The following KCNQ1OT1 variants were observed in gnomAD, a reference collection of about 807,000 sequenced individuals.
KCNQ1OT1 encodes KCNQ1 opposite strand/antisense transcript 1, also known as KCNQ1 antisense RNA 2 (non-protein coding).
At chr11:2,609,039 AAT>A in exon 1 of KCNQ1OT1, 1 of 397,846 alleles carries the variant, frequency 2.5e-6, no homozygotes, top group Non-Finnish European at 4.4e-6. Context: ...TTTCTACTCT[AAT>A]ATTTATTATT....
At chr11:2,638,044 C>G (rs1849505567) in exon 1 of KCNQ1OT1, 1 of 152,154 alleles carries the variant, frequency 6.6e-6, no homozygotes, top group African/African-American at 2.4e-5. Flanking sequence ...GATCTTCCTC[C>G]ATCCCTTTAT....
exon 1 of KCNQ1OT1, chr11:2,632,963 T>C (rs1175758777): frequency 2.5e-6 from 1 of 398,518 alleles, no homozygotes; most frequent in Non-Finnish European, 4.4e-6. Context: ...TGTATGATAG[T>C]CTACTTTTAG....
Position 2,612,776 on chromosome 11 carries a change from G to A in KCNQ1OT1, n.87219C>T, listed in dbSNP as rs1024016075. ...TATTGCTCATTATTCTTGTTCAAGG[G>A]TCACAATTTTCTGTTTCTTTGCATA... is the stretch of plus-strand genomic sequence containing the variant. On this transcript the variant is annotated non_coding_transcript_exon_variant, in exon 1 of 1. Coordinates refer to ENST00000597346, the Ensembl canonical transcript of KCNQ1OT1. This position sits in a 1 kb window ranked among gnomAD's most constrained non-coding sequence, Gnocchi z 5.5. 2.5e-6 allele frequency: 1 copy of A among 398,360 alleles called. No homozygotes were observed. Among genetic ancestry groups the A allele is most frequent in the Non-Finnish European group, 4.4e-6 (1 of 226,022 alleles). The allele number at this position is 398,360 out of a possible 1,614,324, so 24.7% of individuals were successfully genotyped here. A position where few individuals can be genotyped will look rare whatever the true frequency, so the allele number is the denominator to read the frequency against.
exon 1 of KCNQ1OT1, chr11:2,681,160 C>G (rs1036194287): frequency 1.4e-4 from 55 of 398,602 alleles, no homozygotes; most frequent in African/African-American, 1.1e-3. Context: ...AATTCTACTT[C>G]TGAATGCTAA....
chr11:2,618,551 T>G lies in KCNQ1OT1; in HGVS notation n.81444A>C, dbSNP rs1849108940. On this transcript the variant is annotated non_coding_transcript_exon_variant, in exon 1 of 1. Coordinates refer to ENST00000597346, the Ensembl canonical transcript of KCNQ1OT1. The stretch of plus-strand genomic sequence containing the variant: ...TTCTGGGCTCTCTATTCTGTTCCAC[T>G]GGTCTACATGTTTGTTTTTTATGCC... 2.5e-5 allele frequency: 10 copies of G among 398,620 alleles called. No individual in the cohort carries two copies. In the East Asian group the frequency reaches 3.6e-4, roughly 14 times the overall value. 24.7% of individuals were successfully genotyped at this position (398,620 alleles called of 1,614,324 possible).
chr11:2,640,104 T>C (rs1316827103), exon 1 of KCNQ1OT1: 2 of 280,836 alleles, frequency 7.1e-6, no homozygotes, highest in Middle Eastern at 9.7e-4. Context: ...GTGCCGTCTG[T>C]CACCCCTTCC....
At chr11:2,650,332 A>G in exon 1 of KCNQ1OT1, 1 of 398,324 alleles carries the variant, frequency 2.5e-6, no homozygotes, top group East Asian at 3.6e-5. Context: ...TTTTCCCCCC[A>G]AGTTTTTTGT....
At chr11:2,667,710 G>A (rs1477660610) in exon 1 of KCNQ1OT1, 3 of 398,664 alleles carry the variant, frequency 7.5e-6, no homozygotes, top group Non-Finnish European at 1.3e-5. Context: ...CAGGAAGTCT[G>A]GAAGCCGTGT....
Position 2,627,219 on chromosome 11 carries a change from C to T in KCNQ1OT1, n.72776G>A. The T allele has an allele frequency of 2.5e-6, 1 of 398,434 alleles. No homozygotes were observed. The highest frequency in any genetic ancestry group is 4.4e-5 in the Admixed American group (1 of 22,714). 24.7% of individuals were successfully genotyped at this position (398,434 alleles called of 1,614,324 possible). ...AGGTATAATTGACAAATTAAAAGTGCATATATTTAAGAACATATTTGACCT... is the reference window on the plus strand; with the variant it reads ...AGGTATAATTGACAAATTAAAAGTGTATATATTTAAGAACATATTTGACCT... On this transcript the variant is annotated non_coding_transcript_exon_variant, in exon 1 of 1. Coordinates refer to ENST00000597346, the Ensembl canonical transcript of KCNQ1OT1. This position sits in a 1 kb window ranked among gnomAD's most constrained non-coding sequence, Gnocchi z 4.9.
Position 2,674,562 on chromosome 11 carries a change from G to A in KCNQ1OT1, n.25433C>T, listed in dbSNP as rs1035430670. ...ATTTAGACAAATACCTCGAGTGAGT[G>A]AATCTGAAGCATGCTAGTTGTGTTG... On this transcript the variant is annotated non_coding_transcript_exon_variant, in exon 1 of 1. Transcript: ENST00000597346. This position sits in a 1 kb window ranked among gnomAD's most constrained non-coding sequence, Gnocchi z 5.9. 5.0e-6 allele frequency: 2 copies of A among 398,642 alleles called. No homozygotes were observed. The highest frequency in any genetic ancestry group is 7.1e-5 in the East Asian group (2 of 28,068). The allele number at this position is 398,642 out of a possible 1,614,324, so 24.7% of individuals were successfully genotyped here.
In KCNQ1OT1 at chr11:2,681,215, A is replaced by C. The variant is rs193054095; in HGVS notation, n.18780T>G. On this transcript the variant is annotated non_coding_transcript_exon_variant, in exon 1 of 1. Transcript: ENST00000597346. ...TTTTTGCAGTGTTTGTGTTCTATGAAGAGTGGGTAGAAGGAAGCAGGAGAG... is the reference window on the plus strand; with the variant it reads ...TTTTTGCAGTGTTTGTGTTCTATGACGAGTGGGTAGAAGGAAGCAGGAGAG... The C allele has an allele frequency of 3.8e-4, 151 of 398,626 alleles. 1 individual carries two copies. Among genetic ancestry groups the C allele is most frequent in the African/African-American group, 2.7e-3 (134 of 48,746 alleles). The allele number at this position is 398,626 out of a possible 1,614,324, so 24.7% of individuals were successfully genotyped here.
At chr11:2,689,592 T>A (rs231352) in exon 1 of KCNQ1OT1, 1 of 398,460 alleles carries the variant, frequency 2.5e-6, no homozygotes, top group South Asian at 1.3e-4. Flanking sequence ...TGGTGTCTTC[T>A]AGATTCTCAA....
At chr11:2,696,758 ATAAAAGTCGTCGTCTT>A in exon 1 of KCNQ1OT1, 1 of 398,620 alleles carries the variant, frequency 2.5e-6, no homozygotes, top group Non-Finnish European at 4.4e-6. Context: ...AATTTTTTCC[ATAAAAGTCGTCGTCTT>A]TGTTAATTCC....
rs557313464 is a variant in KCNQ1OT1, at chr11:2,669,862, T to G, written n.30133A>C. The G allele has an allele frequency of 2.5e-6, 1 of 398,558 alleles. No homozygotes were observed. The highest frequency in any genetic ancestry group is 2.1e-5 in the African/African-American group (1 of 48,706). The allele number at this position is 398,558 out of a possible 1,614,324, so 24.7% of individuals were successfully genotyped here. Reference sequence around the variant, plus strand: ...ATGGGATACAAATGGGGTCACAACATATGGCTGTCAGCTGCTGTCCTTAAT... The same window carrying G: ...ATGGGATACAAATGGGGTCACAACAGATGGCTGTCAGCTGCTGTCCTTAAT... On this transcript the variant is annotated non_coding_transcript_exon_variant, in exon 1 of 1. Coordinates refer to ENST00000597346, the Ensembl canonical transcript of KCNQ1OT1. The surrounding 1 kb of genome is among the most constrained non-coding windows in gnomAD (Gnocchi z 5.6).
exon 1 of KCNQ1OT1, chr11:2,656,347 A>G: frequency 2.5e-6 from 1 of 398,606 alleles, no homozygotes; most frequent in African/African-American, 2.1e-5. Context: ...AAATCTGCAC[A>G]TTCTTCAAGC....
At chr11:2,689,350 T>C (rs1200190651) in exon 1 of KCNQ1OT1, 4 of 398,520 alleles carry the variant, frequency 1.0e-5, no homozygotes, top group Non-Finnish European at 1.8e-5. Context: ...TTGAGGCCTT[T>C]AGGTCAGCCT....
exon 1 of KCNQ1OT1, chr11:2,650,447 G>A (rs929228501): frequency 5.0e-6 from 2 of 398,458 alleles, no homozygotes; most frequent in Non-Finnish European, 8.8e-6. Flanking sequence ...GTATCATTTG[G>A]GTAGGGTGCT....
chr11:2,621,377 C>T lies in KCNQ1OT1; in HGVS notation n.78618G>A, dbSNP rs11522611. 0.081 allele frequency: 32,455 copies of T among 398,496 alleles called. 1,570 individuals carry two copies. Among genetic ancestry groups the T allele is most frequent in the Non-Finnish European group, 0.11 (24,130 of 226,042 alleles). The allele number at this position is 398,496 out of a possible 1,614,324, so 24.7% of individuals were successfully genotyped here. The stretch of plus-strand genomic sequence containing the variant: ...AGAAATGTATGTTCCTGTCCTTTGC[C>T]AATTCAATTGGATTATTCGTTTTTT... On this transcript the variant is annotated non_coding_transcript_exon_variant, in exon 1 of 1. Coordinates refer to ENST00000597346, the Ensembl canonical transcript of KCNQ1OT1. The surrounding 1 kb of genome is among the most constrained non-coding windows in gnomAD (Gnocchi z 5.7).
chr11:2,679,158 C>T lies in KCNQ1OT1; in HGVS notation n.20837G>A, dbSNP rs1454676291. 2.8e-5 allele frequency: 11 copies of T among 398,496 alleles called. No homozygotes were observed. Among genetic ancestry groups the T allele is most frequent in the Admixed American group, 4.4e-5 (1 of 22,708 alleles). 24.7% of individuals were successfully genotyped at this position (398,496 alleles called of 1,614,324 possible). On this transcript the variant is annotated non_coding_transcript_exon_variant, in exon 1 of 1. Transcript: ENST00000597346. The surrounding 1 kb of genome is among the most constrained non-coding windows in gnomAD (Gnocchi z 4.8). ...TTTCATGGCATGAGTTGGGCAGCAG[C>T]GACTCAGTTTCCATGTCTGAGTTAG... is the stretch of plus-strand genomic sequence containing the variant.
Sources: gnomAD v4.1 joint callset for allele counts on GRCh38, gnomAD v4.1.1 for gene constraint, Gnocchi (gnomAD v3.1) non-coding constraint, MANE v1.5 for transcripts, NCBI Gene and HGNC (gene_info 2026-07-23, HGNC 2026-07-21) for gene names.